NFIB: variants seen among roughly 807,000 people sequenced by gnomAD.
NFIB encodes the protein nuclear factor 1 B-type.
A neutral mutation model predicts 61.5 loss-of-function variants in NFIB; 11 were observed. That is an observed-to-expected ratio of 0.18 (90% confidence interval 0.11 to 0.30). The LOEUF (loss-of-function observed/expected upper bound fraction) is 0.30, where lower values mean the gene tolerates loss of function less well. Ranked by LOEUF, NFIB falls within the 10% of genes least tolerant of loss-of-function variation. The probability of loss-of-function intolerance (pLI) is 1.00; values close to 1 mark genes in which losing one functional copy is unlikely to be tolerated. For missense variants in NFIB, 471 were observed against 608.9 expected (o/e 0.77, Z 2.38); for synonymous variants, 260 against 216.5 (o/e 1.20, Z -1.76).
intron 1 of NFIB, among the ~76,000 whole-genome samples, chr9:14,343,335 G>C (rs998112394): frequency 2.0e-5 from 3 of 152,236 alleles, no homozygotes; most frequent in Non-Finnish European, 4.4e-5. Context: ...AGGTGGAAAT[G>C]GGCTGGGGCG....
At chr9:14,378,060 C>G (rs2061440433) in intron 1 of NFIB, among the ~76,000 whole-genome samples, 1 of 152,146 alleles carries the variant, frequency 6.6e-6, no homozygotes, top group Non-Finnish European at 1.5e-5. Context: ...GTGCTCCACA[C>G]CAGCTGAGGG....
intron 2 of NFIB, among the ~76,000 whole-genome samples, chr9:14,197,993 T>C (rs113983855): frequency 3.9e-5 from 6 of 152,296 alleles, no homozygotes; most frequent in African/African-American, 1.2e-4. Context: ...AAAGGGAATG[T>C]TGGGGCTACG....
At chr9:14,234,039 A>C (rs1460212742) in intron 2 of NFIB, among the ~76,000 whole-genome samples, 1 of 152,206 alleles carries the variant, frequency 6.6e-6, no homozygotes, top group African/African-American at 2.4e-5. Flanking sequence ...ATTGTGTTAC[A>C]TGTCAAGGAA....
intron 2 of NFIB, among the ~76,000 whole-genome samples, chr9:14,209,403 G>A (rs2050081629): frequency 6.6e-6 from 1 of 152,150 alleles, no homozygotes; most frequent in Non-Finnish European, 1.5e-5. Context: ...GGCTTTAATT[G>A]TGCATACATA....
chr9:14,385,759 T>C (rs2061542015), intron 1 of NFIB, among the ~76,000 whole-genome samples: 1 of 151,998 alleles, frequency 6.6e-6, no homozygotes, highest in Non-Finnish European at 1.5e-5. Flanking sequence ...TCATTTCTAA[T>C]ATGGGATCAG....
chr9:14,386,680 T>C (rs1031791096), intron 1 of NFIB, among the ~76,000 whole-genome samples: 2 of 152,230 alleles, frequency 1.3e-5, no homozygotes, highest in Non-Finnish European at 2.9e-5. Context: ...TGCCAGTGTT[T>C]AAAGTTCAGT....
chr9:14,509,593 C>A, the NFIB span, among the ~76,000 whole-genome samples: 1 of 152,304 alleles, frequency 6.6e-6, no homozygotes, highest in Admixed American at 6.5e-5. Flanking sequence ...AGGGAGCAAA[C>A]GTATCAACAG....
intron 2 of NFIB, among the ~76,000 whole-genome samples, chr9:14,286,027 C>G (rs1305865479): frequency 1.3e-5 from 2 of 152,154 alleles, no homozygotes; most frequent in Admixed American, 1.3e-4. Context: ...TAGCAAGTTC[C>G]AACGCCATGC....
intron 1 of NFIB, among the ~76,000 whole-genome samples, chr9:14,349,946 G>A (rs1399533048): frequency 1.3e-5 from 2 of 152,044 alleles, no homozygotes; most frequent in Non-Finnish European, 2.9e-5. Context: ...CCTTCCCCGT[G>A]TGCCCCTTTC....
chr9:14,398,867 C>A, exon 1 of NFIB: 1 of 421,426 alleles, frequency 2.4e-6, no homozygotes, highest in Non-Finnish European at 4.2e-6. Context: ...GGAGTTTACT[C>A]CACTAACAGT....
At chr9:14,282,945 A>G (rs1183340219) in intron 2 of NFIB, among the ~76,000 whole-genome samples, 4 of 152,342 alleles carry the variant, frequency 2.6e-5, no homozygotes, top group South Asian at 2.1e-4. Context: ...AGTTGTGAGA[A>G]TTAAATAAAA....
chr9:14,395,672 C>A (rs2061675992), intron 1 of NFIB, among the ~76,000 whole-genome samples: 1 of 151,208 alleles, frequency 6.6e-6, no homozygotes, highest in Non-Finnish European at 1.5e-5. Flanking sequence ...GCTAATTTTA[C>A]CTCGTAAAAA....
chr9:14,502,947 TC>T, the NFIB span, among the ~76,000 whole-genome samples: 1 of 152,058 alleles, frequency 6.6e-6, no homozygotes, highest in African/African-American at 2.4e-5. Context: ...ATAGCTTAGC[TC>T]CCACTTATGA....
Position 14,249,520 on chromosome 9 carries a change from T to C in NFIB, c.562+57469A>G, listed in dbSNP as rs543359322. Among the ~76,000 whole-genome samples, 5 of 152,294 alleles carry C rather than the reference T, an allele frequency of 3.3e-5. No individual in the cohort carries two copies. In the South Asian group the frequency reaches 8.3e-4, roughly 25 times the overall value. ...TCACTGTTGCCTAGGCTAAAGTGCA[T>C]TTTTGTGATCCTTTGATTTGGGAAA... On this transcript the variant is annotated intron_variant, in intron 2 of 10. Transcript: ENST00000380953.
chr9:14,498,294 T>C, the NFIB span, among the ~76,000 whole-genome samples: 1 of 152,202 alleles, frequency 6.6e-6, no homozygotes, highest in Non-Finnish European at 1.5e-5. Context: ...AGAGTTGTAA[T>C]ATGACTGAAA....
At chr9:14,312,801 C>T (rs974040343) in intron 1 of NFIB, among the ~76,000 whole-genome samples, 17 of 152,196 alleles carry the variant, frequency 1.1e-4, no homozygotes, top group African/African-American at 4.1e-4. Flanking sequence ...AAAAGGAACA[C>T]GTTCTAAAAA....
the NFIB span, among the ~76,000 whole-genome samples, chr9:14,464,593 G>C: frequency 2.6e-5 from 4 of 152,150 alleles, no homozygotes; most frequent in African/African-American, 7.2e-5. Flanking sequence ...CTGATGGAGC[G>C]TAGCAAGGAA....
intron 2 of NFIB, among the ~76,000 whole-genome samples, chr9:14,246,417 A>G (rs1406914277): frequency 2.0e-5 from 3 of 151,850 alleles, no homozygotes; most frequent in Non-Finnish European, 4.4e-5. Flanking sequence ...TCTGCCCTTC[A>G]CCCTGCAAAA....
chr9:14,411,532 A>G, the NFIB span, among the ~76,000 whole-genome samples: 5 of 152,172 alleles, frequency 3.3e-5, no homozygotes, highest in Admixed American at 1.3e-4. Context: ...CTAAGCATCC[A>G]AAGAAGGAAA....
Sources: allele counts gnomAD v4.1 joint callset (sites outside exome capture counted in the v4.1 genomes callset), GRCh38; gene constraint gnomAD v4.1.1; transcripts MANE v1.5; gene names NCBI Gene and HGNC (gene_info 2026-07-23, HGNC 2026-07-21).